Variants in ADAMTS18 observed in about 807,000 individuals in gnomAD.
ADAMTS18 encodes ADAM metallopeptidase with thrombospondin type 1 motif 18.
ADAMTS18 carries 157 observed loss-of-function variants against 165.9 expected under a neutral mutation model. The observed-to-expected ratio is 0.95, with a 90% CI of 0.83 to 1.08. ADAMTS18 has a LOEUF of 1.08. Ranked by LOEUF, ADAMTS18 falls within the 50% of genes least tolerant of loss-of-function variation. The pLI is 0.00. For synonymous variants in ADAMTS18, 782 were observed against 578.2 expected, an observed-to-expected ratio of 1.35 and a Z score of -5.06; for missense variants, 2,040 against 1,534.0, an observed-to-expected ratio of 1.33 and a Z score of -5.51.
At chr16:77,425,466 C>A (rs1479368319) in intron 3 of ADAMTS18, among the ~76,000 whole-genome samples, 2 of 152,192 alleles carry the variant, frequency 1.3e-5, no homozygotes, top group African/African-American at 4.8e-5. Flanking sequence ...CTCTTGCCAG[C>A]TGGGCCTTCA....
chr16:77,294,885 G>T, intron 19 of ADAMTS18, 38 bp downstream of exon 19: 2 of 1,603,424 alleles, frequency 1.2e-6, no homozygotes, highest in South Asian at 1.1e-5. Context: ...GCCTTCATGG[G>T]GACCGAGAAT....
chr16:77,361,681 C>G (rs1049983709), intron 7 of ADAMTS18, among the ~76,000 whole-genome samples: 1 of 152,094 alleles, frequency 6.6e-6, no homozygotes. Context: ...GTCAGGAGTT[C>G]GAGACCAGCC....
chr16:77,344,155 GTATATA>G (rs150411045), intron 10 of ADAMTS18, among the ~76,000 whole-genome samples: 47 of 140,230 alleles, frequency 3.4e-4, no homozygotes, highest in African/African-American at 9.3e-4. Flanking sequence ...ATGTGTGTGT[GTATATA>G]TATATATATA....
intron 10 of ADAMTS18, among the ~76,000 whole-genome samples, chr16:77,350,633 T>C (rs1280825597): frequency 6.6e-6 from 1 of 152,176 alleles, no homozygotes; most frequent in African/African-American, 2.4e-5. Context: ...GATTTGTGTG[T>C]GCAAATGTGT....
chr16:77,383,847 G>C (rs1048876204), intron 3 of ADAMTS18, among the ~76,000 whole-genome samples: 3 of 152,094 alleles, frequency 2.0e-5, no homozygotes, highest in Admixed American at 2.0e-4. Context: ...GGCCCAAAAA[G>C]CTGACTGGGG....
rs1432258325 is a variant in ADAMTS18 at position 77,377,715 on chromosome 16, C to G, written c.496-9992G>C. On this transcript the variant is annotated intron_variant, in intron 3 of 22. Transcript: ENST00000282849. Reference sequence around the variant, plus strand: ...TTTCACTTTTTAATTTTGAATCTATCTGCAACAACTAAAAAATGCTCTTAC... The same window carrying G: ...TTTCACTTTTTAATTTTGAATCTATGTGCAACAACTAAAAAATGCTCTTAC... Among the ~76,000 whole-genome samples the G allele has an allele frequency of 2.0e-5, 3 of 152,170 alleles. No homozygotes were observed. In the South Asian group the frequency reaches 6.2e-4, roughly 32 times the overall value.
chr16:77,287,310 T>A (rs1007261409), intron 22 of ADAMTS18, among the ~76,000 whole-genome samples: 2 of 152,140 alleles, frequency 1.3e-5, no homozygotes, highest in Non-Finnish European at 2.9e-5. Flanking sequence ...TCAAACGACA[T>A]TCATAGTAGT....
rs766635099 is a variant in ADAMTS18, at chr16:77,363,804, G to T, written c.1054C>A (p.Pro352Thr). ...CATAAATGAAGTTTGCCACTTACAG[G>T]TTCTTGTTCCAGAAGAATTAGGCTC... ...VVSLILLEQE[P>T]GGLLINHHAD... The change falls in exon 6 of 23, where the codon CCT becomes ACT. Residue 352 changes from proline (P) to threonine (T), a missense_variant and splice_region_variant. Pro to Thr is a conservative substitution (Grantham distance 38). Transcript: ENST00000282849. 6.2e-7 allele frequency: 1 copy of T among 1,613,730 alleles called. No homozygotes were observed. The highest frequency in any genetic ancestry group is 8.5e-7 in the Non-Finnish European group (1 of 1,179,794).
At chr16:77,410,500 G>A (rs561741700) in intron 3 of ADAMTS18, among the ~76,000 whole-genome samples, 43 of 152,066 alleles carry the variant, frequency 2.8e-4, no homozygotes, top group Non-Finnish European at 5.7e-4. Flanking sequence ...GCCTATGGAG[G>A]TACACTAAAG....
chr16:77,321,718 A>C (rs2056001957), intron 14 of ADAMTS18, among the ~76,000 whole-genome samples: 1 of 152,240 alleles, frequency 6.6e-6, no homozygotes, highest in African/African-American at 2.4e-5. Context: ...ATAAAAGTTT[A>C]TTATTTACAT....
At chr16:77,298,093 T>G (rs908486136) in intron 17 of ADAMTS18, among the ~76,000 whole-genome samples, 3 of 151,696 alleles carry the variant, frequency 2.0e-5, no homozygotes, top group Non-Finnish European at 4.4e-5. Context: ...CCCAGCTAAT[T>G]TTTGTATTTT....
intron 12 of ADAMTS18, among the ~76,000 whole-genome samples, chr16:77,334,952 G>T: frequency 7.2e-6 from 1 of 139,220 alleles, no homozygotes; most frequent in East Asian, 2.1e-4. Flanking sequence ...ATAGTATATA[G>T]TAGTATATAT....
At chr16:77,412,703 G>C (rs1421802400) in intron 3 of ADAMTS18, among the ~76,000 whole-genome samples, 2 of 152,122 alleles carry the variant, frequency 1.3e-5, no homozygotes, top group African/African-American at 4.8e-5. Context: ...CCAATGGAAA[G>C]GGAAAACCCC....
chr16:77,402,466 C>T (rs2057343393), intron 3 of ADAMTS18, among the ~76,000 whole-genome samples: 1 of 152,098 alleles, frequency 6.6e-6, no homozygotes, highest in African/African-American at 2.4e-5. Flanking sequence ...TCCTGCAAAT[C>T]CCTGGGTGGG....
chr16:77,375,940 G>C (rs2056945398), intron 3 of ADAMTS18, among the ~76,000 whole-genome samples: 1 of 102,142 alleles, frequency 9.8e-6, no homozygotes, highest in Admixed American at 1.2e-4. Context: ...TTTGGCTCTT[G>C]TTGCCCAGTT....
chr16:77,429,176 G>T (rs2057708712), intron 3 of ADAMTS18, among the ~76,000 whole-genome samples: 1 of 152,172 alleles, frequency 6.6e-6, no homozygotes, highest in African/African-American at 2.4e-5. Context: ...CAAGGACATG[G>T]AATCAACCTA....
chr16:77,364,038 A>T, intron 5 of ADAMTS18, 150 bp downstream of exon 5: 6 of 1,280,822 alleles, frequency 4.7e-6, no homozygotes, highest in Non-Finnish European at 6.7e-6. Context: ...TTAAAAAAAT[A>T]AAACCACATA....
At chr16:77,287,264 T>C (rs2055272247) in intron 22 of ADAMTS18, among the ~76,000 whole-genome samples, 1 of 152,138 alleles carries the variant, frequency 6.6e-6, no homozygotes, top group Non-Finnish European at 1.5e-5. Flanking sequence ...TACTGCTCAC[T>C]AATGTTTTCT....
At chr16:77,312,428 A>T (rs1025271258) in intron 16 of ADAMTS18, among the ~76,000 whole-genome samples, 2 of 152,002 alleles carry the variant, frequency 1.3e-5, no homozygotes, top group African/African-American at 4.8e-5. Context: ...AATAGAGACA[A>T]GGGTTCACCA....
Sources: allele counts gnomAD v4.1 joint callset (sites outside exome capture counted in the v4.1 genomes callset), GRCh38; gene constraint gnomAD v4.1.1; transcripts MANE v1.5; gene names NCBI Gene and HGNC (gene_info 2026-07-23, HGNC 2026-07-21).